Variants in TBKBP1 observed in about 807,000 individuals in gnomAD.
The protein encoded by TBKBP1 is TBK1 binding protein 1, also known as TANK-binding kinase 1-binding protein 1.
TBKBP1 carries 47 observed loss-of-function variants against 69.9 expected under a neutral mutation model. The ratio of observed to expected loss-of-function variants is 0.67; its 90% CI spans 0.53 to 0.86. The LOEUF is 0.86. Ranked by LOEUF, TBKBP1 falls within the 40% of genes least tolerant of loss-of-function variation. The pLI is 0.00. For missense variants in TBKBP1, 831 were observed against 858.6 expected (o/e 0.97, Z 0.40); for synonymous variants, 418 against 390.3 (o/e 1.07, Z -0.84).
At chr17:47,698,031 C>T (rs935252678) in intron 4 of TBKBP1, among the ~76,000 whole-genome samples, 1 of 151,432 alleles carries the variant, frequency 6.6e-6, no homozygotes, top group Non-Finnish European at 1.5e-5. Flanking sequence ...AGTCACTTAG[C>T]CTCCATCCCT....
At chr17:47,701,616 C>T (rs1432914394) in intron 7 of TBKBP1, among the ~76,000 whole-genome samples, 2 of 152,168 alleles carry the variant, frequency 1.3e-5, no homozygotes, top group African/African-American at 4.8e-5. Flanking sequence ...TCCAGTTTCC[C>T]TCACAGGCTC....
Position 47,710,510 on chromosome 17 carries a change from A to C in TBKBP1, c.1732A>C (p.Thr578Pro), listed in dbSNP as rs762139299. 1 of 1,610,070 alleles carries C rather than the reference A, an allele frequency of 6.2e-7. No homozygotes were observed. The highest frequency in any genetic ancestry group is 2.2e-5 in the East Asian group (1 of 44,712). Residue 578 changes from threonine to proline, a missense_variant, in exon 10 of 10, where the codon ACG becomes CCG. Thr to Pro is a conservative substitution (Grantham distance 38). Transcript: ENST00000578982. ...TCTCTCTCGACAGTTGCTGATGGAG[A>C]CGGTGGGCTCCGACATCCGCAGCTG... is the stretch of plus-strand genomic sequence containing the variant. The part of the protein sequence containing the change: ...SWPSINLLME[T>P]VGSDIRSCPL...
At chr17:47,703,740 ATTT>A (rs113198338) in intron 7 of TBKBP1, among the ~76,000 whole-genome samples, 1 of 144,952 alleles carries the variant, frequency 6.9e-6, no homozygotes. Context: ...CTCCCCTGAA[ATTT>A]TTTTTTTTTT....
chr17:47,711,948 G>A lies in TBKBP1; in HGVS notation c.*1322G>A, dbSNP rs1308197955. 1 of 152,730 alleles carries A rather than the reference G, an allele frequency of 6.5e-6. No homozygotes were observed. The highest frequency in any genetic ancestry group is 1.5e-5 in the Non-Finnish European group (1 of 68,158). 9.5% of individuals were successfully genotyped at this position (152,730 alleles called of 1,614,324 possible). On this transcript the variant is annotated 3_prime_UTR_variant, in exon 10 of 10. Transcript: ENST00000578982. ...CCAAGGACACGTCATTGTACCCTGA[G>A]CGTCCCCAGGGAGTGGAAATGGGGA... is the stretch of plus-strand genomic sequence containing the variant.
intron 2 of TBKBP1, 50 bp from the exon 3 acceptor site, chr17:47,696,661 G>A: frequency 6.2e-7 from 1 of 1,613,336 alleles, no homozygotes; most frequent in Non-Finnish European, 8.5e-7. Flanking sequence ...GCTGAGGCCT[G>A]GGCTGGGCAC....
intron 1 of TBKBP1, chr17:47,694,644 G>C (rs1457325802): frequency 6.6e-6 from 1 of 152,270 alleles, no homozygotes; most frequent in Non-Finnish European, 1.5e-5. Context: ...AGAGGAATGC[G>C]GAGGAAGGAG....
At chr17:47,704,513 TGGGGCAGCTG>T (rs531870077) in intron 7 of TBKBP1, among the ~76,000 whole-genome samples, 5 of 152,262 alleles carry the variant, frequency 3.3e-5, no homozygotes. Context: ...GTGAGGTGGC[TGGGGCAGCTG>T]GGGGCAGCTT....
chr17:47,696,447 G>A (rs2031246673), intron 2 of TBKBP1, 110 bp downstream of exon 2: 1 of 1,275,218 alleles, frequency 7.8e-7, no homozygotes, highest in African/African-American at 1.5e-5. Flanking sequence ...GCAGACTCTT[G>A]GGAACTTGAG....
At position 47,709,155 on chromosome 17, in the gene TBKBP1, C is replaced by A. The variant is rs752990668; in HGVS notation, c.1422C>A (p.Ala474=). 18 of 1,414,296 alleles carry A rather than the reference C, an allele frequency of 1.3e-5. No individual in the cohort carries two copies. The Admixed American group carries it at 4.2e-4, about 33-fold the overall frequency. 87.6% of individuals were successfully genotyped at this position (1,414,296 alleles called of 1,614,324 possible). ...CGGAGGGCGCGGCCTACGCGGGCGC[C>A]TCCCCGCCCTGGCTGCAGGCCGAAG... ...ELAEGAAYAG[A]SPPWLQAEAA... The change falls in exon 9 of 10, where the codon GCC becomes GCA. Residue 474 remains alanine, a synonymous_variant. Coordinates refer to ENST00000578982, the MANE Select transcript of TBKBP1 (RefSeq NM_001394755.1).
Position 47,697,210 on chromosome 17 carries a change from C to T in TBKBP1, c.453+17C>T, listed in dbSNP as rs775383210. 20 of 1,604,636 alleles carry T rather than the reference C, an allele frequency of 1.2e-5. No homozygotes were observed. The highest frequency in any genetic ancestry group is 2.2e-5 in the South Asian group (2 of 89,814). On this transcript the variant is annotated intron_variant, in intron 4 of 9. Coordinates refer to ENST00000578982, the MANE Select transcript of TBKBP1 (RefSeq NM_001394755.1). ...AGGGAGATGGTGAGGCCTGGGGAGC[C>T]GGAGGTGCTTGAGGATGTGTAGCTG...
At position 47,709,284 on chromosome 17, in the gene TBKBP1, G is replaced by C. The variant is rs764470798; in HGVS notation, c.1551G>C (p.Glu517Asp). The C allele has an allele frequency of 1.2e-5, 19 of 1,525,786 alleles. No individual in the cohort carries two copies. The African/African-American group carries it at 2.4e-4, about 19-fold the overall frequency. 94.5% of individuals were successfully genotyped at this position (1,525,786 alleles called of 1,614,324 possible). A position where few individuals can be genotyped will look rare whatever the true frequency, so the allele number is the denominator to read the frequency against. ...TCGAGGGCATCCGGCTGCGCTTCGA[G>C]AAGCAGCCGTCGGAGGAGGACGAGT... ...RAFEGIRLRF[E>D]KQPSEEDEWA... The change falls in exon 9 of 10, where the codon GAG becomes GAC. Residue 517 changes from glutamate to aspartate, a missense_variant. By Grantham distance (45) the Glu-to-Asp change is conservative. Transcript: ENST00000578982.
chr17:47,711,708 G>A lies in TBKBP1; in HGVS notation c.*1082G>A, dbSNP rs2143385000. On this transcript the variant is annotated 3_prime_UTR_variant, in exon 10 of 10. Coordinates refer to ENST00000578982, the MANE Select transcript of TBKBP1 (RefSeq NM_001394755.1). ...AGGCCAGGGGGTCCCCAGGGCTGAG[G>A]TGGGGAGCCTTCTACGGCGAAAGCC... 6.5e-6 allele frequency: 1 copy of A among 152,692 alleles called. No individual in the cohort carries two copies. Among genetic ancestry groups the A allele is most frequent in the East Asian group, 1.9e-4 (1 of 5,176 alleles). The allele number at this position is 152,692 out of a possible 1,614,324, so 9.5% of individuals were successfully genotyped here. A position where few individuals can be genotyped will look rare whatever the true frequency, so the allele number is the denominator to read the frequency against.
intron 4 of TBKBP1, among the ~76,000 whole-genome samples, chr17:47,697,949 CAAAAAAAAAAAAAA>C (rs1170697190): frequency 2.7e-5 from 1 of 36,938 alleles, no homozygotes; most frequent in Non-Finnish European, 5.4e-5. Context: ...ACCCTGTCTC[CAAAAAAAAAAAAAA>C]AAAAAAAAAA....
At chr17:47,697,265 C>T in intron 4 of TBKBP1, 72 bp downstream of exon 4, 1 of 1,354,662 alleles carries the variant, frequency 7.4e-7, no homozygotes, top group Non-Finnish European at 1.0e-6. Flanking sequence ...GCATTTAGTT[C>T]TGTGTGTGAG....
intron 3 of TBKBP1, 84 bp from the exon 4 acceptor site, chr17:47,697,005 G>C: frequency 6.6e-7 from 1 of 1,520,862 alleles, no homozygotes; most frequent in African/African-American, 1.4e-5. Context: ...GCTGGGAGTG[G>C]GGGTGGGGAG....
chr17:47,706,859 ACACACACACACG>A (rs1263758740), intron 7 of TBKBP1, among the ~76,000 whole-genome samples: 4 of 150,082 alleles, frequency 2.7e-5, no homozygotes, highest in Non-Finnish European at 4.4e-5. Context: ...ACACACACAC[ACACACACACACG>A]CACACACCCC....
intron 5 of TBKBP1, 95 bp from the exon 6 acceptor site, chr17:47,699,225 T>C: frequency 7.5e-7 from 1 of 1,334,494 alleles, no homozygotes; most frequent in East Asian, 2.7e-5. Flanking sequence ...GGCTTCTCTC[T>C]TGGAGTCCCC....
chr17:47,698,840 C>A, intron 5 of TBKBP1, 65 bp downstream of exon 5: 3 of 1,372,264 alleles, frequency 2.2e-6, no homozygotes, highest in Non-Finnish European at 2.0e-6. Flanking sequence ...TTCCTAGACA[C>A]CTCGCACTTA....
intron 7 of TBKBP1, among the ~76,000 whole-genome samples, chr17:47,700,365 G>A (rs1487119781): frequency 7.3e-6 from 1 of 136,452 alleles, no homozygotes; most frequent in Non-Finnish European, 1.5e-5. Context: ...GGCTGGTCTC[G>A]ACTCCTGGGA....
Sources: gnomAD v4.1 joint callset for allele counts (sites outside exome capture counted in the v4.1 genomes callset) on GRCh38, gnomAD v4.1.1 for gene constraint, MANE v1.5 for transcripts, NCBI Gene and HGNC (gene_info 2026-07-23, HGNC 2026-07-21) for gene names.